MAPK8IP3: variants seen among roughly 807,000 people sequenced by gnomAD.
MAPK8IP3 encodes the protein C-Jun-amino-terminal kinase-interacting protein 3.
A neutral mutation model predicts 157.8 loss-of-function variants in MAPK8IP3; 49 were observed. The ratio of observed to expected loss-of-function variants is 0.31; its 90% CI spans 0.25 to 0.39. The LOEUF (loss-of-function observed/expected upper bound fraction) is 0.39, where lower values mean the gene tolerates loss of function less well. MAPK8IP3 is among the 10% of genes least tolerant of loss of function. MAPK8IP3 has a pLI of 1.00. For missense variants in MAPK8IP3, 1,478 were observed against 1,889.4 expected (o/e 0.78, Z 4.04); for synonymous variants, 897 against 777.7 (o/e 1.15, Z -2.55).
At chr16:1,748,157 C>A in intron 6 of MAPK8IP3, 87 bp from the exon 7 acceptor site, 1 of 979,618 alleles carries the variant, frequency 1.0e-6, no homozygotes, top group Non-Finnish European at 1.6e-6. Flanking sequence ...TCCAGCCCAC[C>A]AGACTCAGGT....
chr16:1,767,073 T>C, intron 25 of MAPK8IP3, 76 bp from the exon 26 acceptor site: 1 of 1,588,346 alleles, frequency 6.3e-7, no homozygotes, highest in South Asian at 1.1e-5. Context: ...AGTCTGGCAG[T>C]GGGTGTCTCA....
chr16:1,713,343 C>T (rs547871298), intron 1 of MAPK8IP3, among the ~76,000 whole-genome samples: 9 of 152,284 alleles, frequency 5.9e-5, no homozygotes, highest in African/African-American at 1.4e-4. Context: ...CTCAGCCTCC[C>T]GAATAGCTGG....
intron 1 of MAPK8IP3, among the ~76,000 whole-genome samples, chr16:1,708,155 G>A (rs2037521182): frequency 6.6e-6 from 1 of 152,196 alleles, no homozygotes; most frequent in Non-Finnish European, 1.5e-5. Flanking sequence ...CATTTTACTG[G>A]GAAGGAAACT....
rs759618183 is a variant in MAPK8IP3, at chr16:1,706,919, G to A, written c.318+262G>A. Among the ~76,000 whole-genome samples, 3 of 149,610 alleles carry A rather than the reference G, an allele frequency of 2.0e-5. No individual in the cohort carries two copies. Among genetic ancestry groups the A allele is most frequent in the Admixed American group, 1.3e-4 (2 of 15,062 alleles). ...CCGGGACCCCACCCCGACTCCCGGG[G>A]ACCCCCTTTTCCGCCCAGGCCTGGG... On this transcript the variant is annotated intron_variant, in intron 1 of 31. Coordinates refer to ENST00000610761, the MANE Select transcript of MAPK8IP3 (RefSeq NM_001318852.2). This position sits in a 1 kb window ranked among gnomAD's most constrained non-coding sequence, Gnocchi z 5.1.
At chr16:1,714,224 C>T (rs1444187133) in intron 1 of MAPK8IP3, 1 of 152,126 alleles carries the variant, frequency 6.6e-6, no homozygotes, top group African/African-American at 2.4e-5. Flanking sequence ...TTTTACGTAA[C>T]CTTCACGCAT....
Position 1,747,136 on chromosome 16 carries a change from C to G in MAPK8IP3, c.855C>G (p.Ala285=). Residue 285 remains alanine, a synonymous_variant, in exon 6 of 32, where the codon GCC becomes GCG. Transcript: ENST00000610761. ...CCACATCCTCCGTGCCCTCGGCCGC[C>G]GTCACACCCCTCAACGAGAGCCTGC... ...NTPTSSVPSA[A]VTPLNESLQP... The G allele has an allele frequency of 1.2e-6, 2 of 1,614,000 alleles. No individual in the cohort carries two copies. The highest frequency in any genetic ancestry group is 1.7e-6 in the Non-Finnish European group (2 of 1,179,986).
Position 1,743,552 on chromosome 16 carries a change from GTC to G in MAPK8IP3, c.747+78_747+79del. 6.5e-7 allele frequency: 1 copy of G among 1,546,836 alleles called. No homozygotes were observed. Among genetic ancestry groups the G allele is most frequent in the Non-Finnish European group, 8.6e-7 (1 of 1,156,680 alleles). ...CCCCGTTCACTGGGGCGGGAGCCTC[GTC>G]TGCAGGCAGCCCTTCACGGCTCTCT... On this transcript the variant is annotated intron_variant, in intron 5 of 31. Transcript: ENST00000610761. The surrounding 1 kb of genome is among the most constrained non-coding windows in gnomAD (Gnocchi z 5.6).
At chr16:1,739,742 G>T (rs1252530468) in intron 4 of MAPK8IP3, among the ~76,000 whole-genome samples, 1 of 135,210 alleles carries the variant, frequency 7.4e-6, no homozygotes, top group Admixed American at 7.7e-5. Flanking sequence ...GTGTGTGTGT[G>T]ACCGTCCGTG....
At chr16:1,732,225 TG>T (rs1238155354) in intron 4 of MAPK8IP3, among the ~76,000 whole-genome samples, 1 of 152,170 alleles carries the variant, frequency 6.6e-6, no homozygotes, top group East Asian at 1.9e-4. Context: ...CCTACAGAGC[TG>T]GGGCAGCTGG....
intron 13 of MAPK8IP3, 99 bp downstream of exon 13, chr16:1,761,404 A>C: frequency 9.8e-7 from 1 of 1,021,540 alleles, no homozygotes; most frequent in South Asian, 1.3e-5. Flanking sequence ...GGTGACCACC[A>C]TTCACCATTC....
At chr16:1,714,569 G>A (rs1029479589) in intron 1 of MAPK8IP3, among the ~76,000 whole-genome samples, 19 of 152,226 alleles carry the variant, frequency 1.2e-4, no homozygotes, top group Admixed American at 9.2e-4. Flanking sequence ...AAGTTTCGGG[G>A]GGCCCCTTCC....
intron 4 of MAPK8IP3, among the ~76,000 whole-genome samples, chr16:1,736,251 ACTGT>A (rs1397172595): frequency 8.9e-5 from 6 of 67,324 alleles, no homozygotes; most frequent in African/African-American, 1.8e-4. Flanking sequence ...TGAGCGTGTG[ACTGT>A]CCGTGTGAGC....
chr16:1,738,366 G>A (rs1253915944), intron 4 of MAPK8IP3, among the ~76,000 whole-genome samples: 2 of 105,296 alleles, frequency 1.9e-5, no homozygotes, highest in Non-Finnish European at 4.0e-5. Flanking sequence ...ATCCGTGTGA[G>A]TGTGACCATC....
At position 1,760,458 on chromosome 16, in the gene MAPK8IP3, C is replaced by A; in HGVS notation, c.1383C>A (p.Gly461=). The A allele has an allele frequency of 6.2e-7, 1 of 1,613,866 alleles. No individual in the cohort carries two copies. The highest frequency in any genetic ancestry group is 1.1e-5 in the South Asian group (1 of 91,070). Residue 461 remains glycine, a synonymous_variant, in exon 12 of 32, where the codon GGC becomes GGA. Transcript: ENST00000610761. ...QLSGEQEVLR[G]ELEAAKQAKV... Reference sequence around the variant, plus strand: ...CCGGGGAGCAGGAGGTGCTGAGGGGCGAGTTGGAGGCTGCTAAGCAGGCCA... The same window carrying A: ...CCGGGGAGCAGGAGGTGCTGAGGGGAGAGTTGGAGGCTGCTAAGCAGGCCA...
chr16:1,740,511 G>A (rs1019902532), intron 4 of MAPK8IP3, among the ~76,000 whole-genome samples: 9 of 152,084 alleles, frequency 5.9e-5, no homozygotes, highest in Non-Finnish European at 1.2e-4. Context: ...GAGCGTGTGC[G>A]CACGCTGTGG....
chr16:1,723,567 T>C (rs776859263), intron 1 of MAPK8IP3, among the ~76,000 whole-genome samples: 2 of 151,988 alleles, frequency 1.3e-5, no homozygotes, highest in Non-Finnish European at 2.9e-5. Context: ...CTGCAGTGAG[T>C]TGTGATCGCA....
chr16:1,748,551 C>T (rs1012890266), intron 7 of MAPK8IP3, 51 bp from the exon 8 acceptor site: 15 of 1,460,962 alleles, frequency 1.0e-5, no homozygotes, highest in East Asian at 4.5e-5. Context: ...CGCAGCCACT[C>T]CGGGCTGCCC....
rs1186480301 is a variant in MAPK8IP3 at position 1,751,902 on chromosome 16, C to A, written c.1216+3182C>A. The stretch of plus-strand genomic sequence containing the variant: ...CCTGGCTTTTCACTGCTGAGTAGTG[C>A]CCGTTGCATGGACAGACCACGTTGT... On this transcript the variant is annotated intron_variant, in intron 8 of 31. Coordinates refer to ENST00000610761, the MANE Select transcript of MAPK8IP3 (RefSeq NM_001318852.2). This position sits in a 1 kb window ranked among gnomAD's most constrained non-coding sequence, Gnocchi z 5.0. 6.6e-6 allele frequency: 1 copy of A among 152,318 alleles called. No individual in the cohort carries two copies. Among genetic ancestry groups the A allele is most frequent in the Non-Finnish European group, 1.5e-5 (1 of 68,100 alleles). The allele number at this position is 152,318 out of a possible 1,614,324, so 9.4% of individuals were successfully genotyped here. A position where few individuals can be genotyped will look rare whatever the true frequency, so the allele number is the denominator to read the frequency against.
Position 1,769,678 on chromosome 16 carries a change from C to A in MAPK8IP3, c.*854C>A, listed in dbSNP as rs531351446. On this transcript the variant is annotated 3_prime_UTR_variant, in exon 32 of 32. Transcript: ENST00000610761. ...CCCAGGCCTCAGGAAGAAGGGGAGG[C>A]CCCTGGCCTCTCCGGGATCAGTCCT... 7.9e-5 allele frequency: 12 copies of A among 152,510 alleles called. No homozygotes were observed. Among genetic ancestry groups the A allele is most frequent in the African/African-American group, 2.9e-4 (12 of 41,434 alleles). The allele number at this position is 152,510 out of a possible 1,614,324, so 9.4% of individuals were successfully genotyped here.
Sources: allele counts gnomAD v4.1 joint callset (sites outside exome capture counted in the v4.1 genomes callset), GRCh38; gene constraint gnomAD v4.1.1; non-coding constraint Gnocchi (gnomAD v3.1); transcripts MANE v1.5; gene names NCBI Gene and HGNC (gene_info 2026-07-23, HGNC 2026-07-21).